Variants in CCDC88C observed in about 807,000 individuals in gnomAD.
CCDC88C encodes the protein protein Daple.
A neutral mutation model predicts 198.8 loss-of-function variants in CCDC88C; 131 were observed. That is an observed-to-expected ratio of 0.66 (90% CI 0.57 to 0.76). CCDC88C has a LOEUF of 0.76. CCDC88C is among the 30% of genes least tolerant of loss of function. The pLI, the probability that CCDC88C is intolerant of heterozygous loss-of-function variation, is 0.00. For missense variants in CCDC88C, 2,553 were observed against 2,631.6 expected (o/e 0.97, Z 0.65); for synonymous variants, 1,166 against 1,114.7 (o/e 1.05, Z -0.92).
intron 2 of CCDC88C, among the ~76,000 whole-genome samples, chr14:91,411,610 G>C (rs1030372972): frequency 4.6e-5 from 7 of 152,130 alleles, no homozygotes; most frequent in African/African-American, 7.2e-5. Flanking sequence ...AGTTCCAAGA[G>C]TTCCAAGTCT....
chr14:91,355,608 C>T (rs1008835148), intron 4 of CCDC88C, among the ~76,000 whole-genome samples: 12 of 152,140 alleles, frequency 7.9e-5, no homozygotes, highest in South Asian at 2.1e-4. Flanking sequence ...GAGTTTGGGC[C>T]GGGACGGGCA....
chr14:91,291,225 T>C, intron 23 of CCDC88C, 141 bp from the exon 24 acceptor site: 3 of 627,284 alleles, frequency 4.8e-6, no homozygotes, highest in Middle Eastern at 4.2e-4. Context: ...ACCACCGTCA[T>C]GGTCACTGAG....
At chr14:91,359,839 C>A in intron 3 of CCDC88C, 128 bp from the exon 4 acceptor site, 1 of 776,504 alleles carries the variant, frequency 1.3e-6, no homozygotes. Context: ...TACGAAGGAG[C>A]TAAAATGACA....
intron 4 of CCDC88C, among the ~76,000 whole-genome samples, chr14:91,357,642 A>G (rs1894099264): frequency 6.6e-6 from 1 of 152,164 alleles, no homozygotes; most frequent in African/African-American, 2.4e-5. Context: ...GCTACCGCCA[A>G]CCTCTACAGG....
intron 3 of CCDC88C, among the ~76,000 whole-genome samples, chr14:91,363,096 A>C (rs1055357482): frequency 6.6e-6 from 1 of 152,082 alleles, no homozygotes; most frequent in Non-Finnish European, 1.5e-5. Context: ...TCCAGCAAAA[A>C]CTGGCTCAGA....
chr14:91,322,709 T>C (rs750281895), intron 12 of CCDC88C, among the ~76,000 whole-genome samples: 6 of 152,188 alleles, frequency 3.9e-5, no homozygotes, highest in Non-Finnish European at 7.3e-5. Flanking sequence ...TCTGTGGCAT[T>C]AGGTACAAGC....
At position 91,294,475 on chromosome 14, in the gene CCDC88C, C is replaced by T. The variant is rs908536126; in HGVS notation, c.3967-157G>A. ...TTGGAAAGGGCCAAACGGCCAATAA[C>T]GTGGGAATGGCTGAGTTCCCTCTGC... On this transcript the variant is annotated intron_variant, in intron 22 of 29. Coordinates refer to ENST00000389857, the MANE Select transcript of CCDC88C (RefSeq NM_001080414.4). Among the ~76,000 whole-genome samples, 10 of 152,344 alleles carry T rather than the reference C, an allele frequency of 6.6e-5. No homozygotes were observed. In the South Asian group the frequency reaches 1.7e-3, roughly 25 times the overall value.
At chr14:91,374,667 G>A (rs1894993328) in intron 3 of CCDC88C, among the ~76,000 whole-genome samples, 1 of 152,224 alleles carries the variant, frequency 6.6e-6, no homozygotes, top group African/African-American at 2.4e-5. Context: ...GCCTGGGGTG[G>A]CCCAACCGAC....
rs1197129995 is a variant in CCDC88C, at chr14:91,352,448, AG to A, written c.340+7193del. Among the ~76,000 whole-genome samples, 35 of 152,362 alleles carry A rather than the reference AG, an allele frequency of 2.3e-4. No individual in the cohort carries two copies. The highest frequency in any genetic ancestry group is 1.5e-5 in the Non-Finnish European group (1 of 68,032). ...GCCCTCATTTCCGGATCCAACAAGC[AG>A]CACAGAAGCAAAGAAGCAGGATAGA... On this transcript the variant is annotated intron_variant, in intron 4 of 29. Coordinates refer to ENST00000389857, the MANE Select transcript of CCDC88C (RefSeq NM_001080414.4). This position sits in a 1 kb window ranked among gnomAD's most constrained non-coding sequence, Gnocchi z 4.2.
At position 91,339,041 on chromosome 14, in the gene CCDC88C, G is replaced by A. The variant is rs1444610453; in HGVS notation, c.809+237C>T. 4.2e-5 allele frequency: 26 copies of A among 617,024 alleles called. No homozygotes were observed. In the East Asian group the frequency reaches 5.5e-4, roughly 13 times the overall value. 38.2% of individuals were successfully genotyped at this position (617,024 alleles called of 1,614,324 possible). On this transcript the variant is annotated intron_variant, in intron 8 of 29. Coordinates refer to ENST00000389857, the MANE Select transcript of CCDC88C (RefSeq NM_001080414.4). The surrounding 1 kb of genome is among the most constrained non-coding windows in gnomAD (Gnocchi z 5.8). ...GCTGCTTCTGTGGACAACTTGCACC[G>A]TCTGGACGGGAGGAAACCCTGAAGA...
chr14:91,280,515 T>A (rs186662355), intron 27 of CCDC88C, among the ~76,000 whole-genome samples: 1 of 152,338 alleles, frequency 6.6e-6, no homozygotes, highest in East Asian at 1.9e-4. Context: ...AATTTCAGTA[T>A]AAGGAAACCG....
chr14:91,416,265 C>A (rs1887041180), intron 2 of CCDC88C, among the ~76,000 whole-genome samples: 2 of 152,130 alleles, frequency 1.3e-5, no homozygotes, highest in Non-Finnish European at 2.9e-5. Flanking sequence ...TGCTTTGGGG[C>A]AACTGAAAAA....
At chr14:91,404,677 T>G (rs561731996) in intron 3 of CCDC88C, among the ~76,000 whole-genome samples, 164 of 152,202 alleles carry the variant, frequency 1.1e-3, no homozygotes, top group Non-Finnish European at 1.5e-3. Flanking sequence ...AAGTGCAGAT[T>G]CCTTGGCTGG....
At chr14:91,315,820 C>T in intron 13 of CCDC88C, 33 bp from the exon 14 acceptor site, 2 of 1,602,508 alleles carry the variant, frequency 1.2e-6, no homozygotes, top group Non-Finnish European at 1.7e-6. Flanking sequence ...CCAGTGCAGA[C>T]ATCAGTCCTA....
intron 26 of CCDC88C, 92 bp from the exon 27 acceptor site, chr14:91,281,617 T>G: frequency 1.9e-6 from 2 of 1,060,414 alleles, no homozygotes; most frequent in Non-Finnish European, 2.9e-6. Flanking sequence ...CGGATCCCAG[T>G]AGCTCCAGCT....
rs546174407 is a variant in CCDC88C, at chr14:91,350,754, A to G, written c.341-7097T>C. ...AATGACCAGCCAGGCTCAGGGTTTAACCCTCACAACCTGGAAGGACTGACC... is the reference window on the plus strand; with the variant it reads ...AATGACCAGCCAGGCTCAGGGTTTAGCCCTCACAACCTGGAAGGACTGACC... On this transcript the variant is annotated intron_variant, in intron 4 of 29. Transcript: ENST00000389857. Among the ~76,000 whole-genome samples, 4 of 152,206 alleles carry G rather than the reference A, an allele frequency of 2.6e-5. No homozygotes were observed. The East Asian group carries it at 7.7e-4, about 29-fold the overall frequency.
chr14:91,350,291 G>T (rs1372513583), intron 4 of CCDC88C, among the ~76,000 whole-genome samples: 1 of 151,884 alleles, frequency 6.6e-6, no homozygotes, highest in Non-Finnish European at 1.5e-5. Flanking sequence ...CTCCCAAGTA[G>T]CTGGGACTAC....
intron 4 of CCDC88C, among the ~76,000 whole-genome samples, chr14:91,348,957 C>G (rs1376610112): frequency 6.6e-6 from 1 of 152,120 alleles, no homozygotes. Flanking sequence ...GGGCGGGAAG[C>G]AGAAGTTTCC....
At chr14:91,305,338 C>T (rs1891512418) in intron 19 of CCDC88C, among the ~76,000 whole-genome samples, 1 of 152,214 alleles carries the variant, frequency 6.6e-6, no homozygotes, top group Non-Finnish European at 1.5e-5. Context: ...TAATATCCTA[C>T]ACTTCCCTCT....
Sources: allele counts gnomAD v4.1 joint callset (sites outside exome capture counted in the v4.1 genomes callset), GRCh38; gene constraint gnomAD v4.1.1; non-coding constraint Gnocchi (gnomAD v3.1); transcripts MANE v1.5; gene names NCBI Gene and HGNC (gene_info 2026-07-23, HGNC 2026-07-21).